KCNJ6: variants seen among roughly 807,000 people sequenced by gnomAD.
KCNJ6 encodes G protein-activated inward rectifier potassium channel 2.
In KCNJ6, 9 loss-of-function variants were observed where a neutral mutation model predicts 34.2. That is an observed-to-expected ratio of 0.26 (90% confidence interval 0.16 to 0.46). KCNJ6 has a LOEUF of 0.46. Ranked by LOEUF, KCNJ6 falls within the 20% of genes least tolerant of loss-of-function variation. The pLI, the probability that KCNJ6 is intolerant of heterozygous loss-of-function variation, is 1.00. For missense variants in KCNJ6, 236 were observed against 531.3 expected, an observed-to-expected ratio of 0.44 and a Z score of 5.46; for synonymous variants, 196 against 207.1, an observed-to-expected ratio of 0.95 and a Z score of 0.46.
intron 2 of KCNJ6, among the ~76,000 whole-genome samples, chr21:37,785,789 G>C (rs1382761153): frequency 6.6e-6 from 1 of 152,188 alleles, no homozygotes; most frequent in African/African-American, 2.4e-5. Context: ...ACAAGGTGAT[G>C]GTACTAGGAG....
chr21:37,675,983 C>T lies in KCNJ6; in HGVS notation c.946+38228G>A, dbSNP rs2054562971. Among the ~76,000 whole-genome samples, 1 of 152,210 alleles carries T rather than the reference C, an allele frequency of 6.6e-6. No homozygotes were observed. The highest frequency in any genetic ancestry group is 2.4e-5 in the African/African-American group (1 of 41,454). ...AGCTCTGGACCAGCAATACCTGCAC[C>T]CTTGCCAGCAGGTTGCAAATGCAGA... On this transcript the variant is annotated intron_variant, in intron 3 of 3. Transcript: ENST00000609713. This position sits in a 1 kb window ranked among gnomAD's most constrained non-coding sequence, Gnocchi z 4.2.
At chr21:37,736,188 T>C (rs1601445557) in intron 2 of KCNJ6, among the ~76,000 whole-genome samples, 1 of 104,896 alleles carries the variant, frequency 9.5e-6, no homozygotes, top group East Asian at 2.5e-4. Flanking sequence ...TACCGAGCCC[T>C]GTGCTAGGCC....
chr21:37,915,945 T>G lies in KCNJ6; in HGVS notation c.-89A>C, dbSNP rs1220302680. 1 of 151,462 alleles carries G rather than the reference T, an allele frequency of 6.6e-6. No homozygotes were observed. Among genetic ancestry groups the G allele is most frequent in the Non-Finnish European group, 1.5e-5 (1 of 67,884 alleles). The allele number at this position is 151,462 out of a possible 1,614,324, so 9.4% of individuals were successfully genotyped here. A position where few individuals can be genotyped will look rare whatever the true frequency, so the allele number is the denominator to read the frequency against. ...CTCCTCTCTTGAAACGGAGCAAGAC[T>G]GAACAATTCACTACACGACGGATGG... On this transcript the variant is annotated 5_prime_UTR_variant, in exon 1 of 4. Coordinates refer to ENST00000609713, the MANE Select transcript of KCNJ6 (RefSeq NM_002240.5).
At position 37,678,067 on chromosome 21, in the gene KCNJ6, GT is replaced by G. The variant is rs1382874500; in HGVS notation, c.946+36143del. Reference sequence around the variant, plus strand: ...AACAAAGTGTTAAATGCATTTGAGTGTTATGCACAAAGGCCCTATGGGGCCA... The same window carrying G: ...AACAAAGTGTTAAATGCATTTGAGTGTATGCACAAAGGCCCTATGGGGCCA... On this transcript the variant is annotated intron_variant, in intron 3 of 3. Coordinates refer to ENST00000609713, the MANE Select transcript of KCNJ6 (RefSeq NM_002240.5). Among the ~76,000 whole-genome samples, 4 of 152,132 alleles carry G rather than the reference GT, an allele frequency of 2.6e-5. No individual in the cohort carries two copies. The East Asian group carries it at 7.7e-4, about 29-fold the overall frequency.
At chr21:37,736,799 C>T (rs1226367552) in intron 2 of KCNJ6, among the ~76,000 whole-genome samples, 1 of 152,174 alleles carries the variant, frequency 6.6e-6, no homozygotes, top group Non-Finnish European at 1.5e-5. Flanking sequence ...CAGGTTGGAA[C>T]ATCTGGCAAG....
chr21:37,905,013 A>T (rs2055834691), intron 1 of KCNJ6, among the ~76,000 whole-genome samples: 1 of 152,132 alleles, frequency 6.6e-6, no homozygotes, highest in Non-Finnish European at 1.5e-5. Context: ...TATTCACTGG[A>T]ACAACCTCAA....
intron 3 of KCNJ6, among the ~76,000 whole-genome samples, chr21:37,684,911 G>T (rs1158487952): frequency 2.0e-5 from 3 of 152,150 alleles, no homozygotes; most frequent in African/African-American, 4.8e-5. Flanking sequence ...AACTGAGATG[G>T]CAGAAAGAAA....
intron 2 of KCNJ6, among the ~76,000 whole-genome samples, chr21:37,799,985 A>C (rs908173857): frequency 2.6e-5 from 4 of 152,232 alleles, no homozygotes; most frequent in African/African-American, 9.6e-5. Context: ...AAATGCCTCT[A>C]TCTGTTAAAC....
chr21:37,728,443 T>C (rs11910370), intron 2 of KCNJ6, among the ~76,000 whole-genome samples: 426 of 152,354 alleles, frequency 2.8e-3, no homozygotes, highest in Non-Finnish European at 5.1e-3. Flanking sequence ...ATAAATTTTA[T>C]GTTAGGTATA....
chr21:37,891,654 C>CCTAGGAAGACT (rs2123635310), intron 1 of KCNJ6, among the ~76,000 whole-genome samples: 1 of 180 alleles, frequency 5.6e-3, no homozygotes, highest in Admixed American at 0.056. Context: ...CCCAGCTGAA[C>CCTAGGAAGACT]CTAGGGGGCC....
chr21:37,620,009 A>G lies in KCNJ6; in HGVS notation c.*5150T>C, dbSNP rs1395899975. 4 of 152,194 alleles carry G rather than the reference A, an allele frequency of 2.6e-5. No individual in the cohort carries two copies. In the East Asian group the frequency reaches 7.7e-4, roughly 29 times the overall value. 9.4% of individuals were successfully genotyped at this position (152,194 alleles called of 1,614,324 possible). A position where few individuals can be genotyped will look rare whatever the true frequency, so the allele number is the denominator to read the frequency against. ...ATGACTGGGCTCTCTAAGTCTTGTG[A>G]AGCAGTTGTCTCTTTGACAACCGAA... is the stretch of plus-strand genomic sequence containing the variant. On this transcript the variant is annotated 3_prime_UTR_variant, in exon 4 of 4. Transcript: ENST00000609713.
chr21:37,676,720 T>C (rs931352622), intron 3 of KCNJ6, among the ~76,000 whole-genome samples: 1 of 152,210 alleles, frequency 6.6e-6, no homozygotes, highest in African/African-American at 2.4e-5. Flanking sequence ...TCTGGAGACA[T>C]TTTTGATTGT....
At chr21:37,847,026 G>A (rs1321977618) in intron 1 of KCNJ6, among the ~76,000 whole-genome samples, 1 of 152,062 alleles carries the variant, frequency 6.6e-6, no homozygotes, top group Non-Finnish European at 1.5e-5. Context: ...AGTTGCTGCC[G>A]AAAAATATAG....
intron 3 of KCNJ6, among the ~76,000 whole-genome samples, chr21:37,702,613 G>A (rs2054697355): frequency 6.6e-6 from 1 of 152,170 alleles, no homozygotes; most frequent in African/African-American, 2.4e-5. Context: ...TGAGTGCAGA[G>A]CTCAGGGGAG....
At chr21:37,824,691 C>T (rs1163729755) in intron 2 of KCNJ6, among the ~76,000 whole-genome samples, 2 of 152,194 alleles carry the variant, frequency 1.3e-5, no homozygotes, top group Non-Finnish European at 2.9e-5. Flanking sequence ...CGCACACTTT[C>T]TTTCCTGCCA....
intron 2 of KCNJ6, among the ~76,000 whole-genome samples, chr21:37,753,682 T>C (rs1264748945): frequency 6.6e-6 from 1 of 152,192 alleles, no homozygotes; most frequent in Non-Finnish European, 1.5e-5. Context: ...GTTCTCTTTT[T>C]CTTTTCATAT....
intron 1 of KCNJ6, among the ~76,000 whole-genome samples, chr21:37,850,768 G>A (rs1184474799): frequency 2.6e-5 from 4 of 152,076 alleles, no homozygotes; most frequent in Non-Finnish European, 5.9e-5. Flanking sequence ...GTTGTATTAC[G>A]GAGCCCCATG....
intron 3 of KCNJ6, among the ~76,000 whole-genome samples, chr21:37,691,920 C>T (rs909725107): frequency 2.0e-5 from 3 of 152,000 alleles, no homozygotes; most frequent in South Asian, 2.1e-4. Flanking sequence ...TTTTTTGAGA[C>T]GTTTTGCTGT....
chr21:37,630,388 T>G (rs1488050900), intron 3 of KCNJ6, among the ~76,000 whole-genome samples: 1 of 152,168 alleles, frequency 6.6e-6, no homozygotes, highest in Non-Finnish European at 1.5e-5. Context: ...TTCCTTAGCA[T>G]TTGCACAGTG....
Sources: gnomAD v4.1 joint callset for allele counts (sites outside exome capture counted in the v4.1 genomes callset) on GRCh38, gnomAD v4.1.1 for gene constraint, Gnocchi (gnomAD v3.1) non-coding constraint, MANE v1.5 for transcripts, NCBI Gene and HGNC (gene_info 2026-07-23, HGNC 2026-07-21) for gene names.